The following ZNF263 variants were observed in gnomAD, a reference collection of about 807,000 sequenced individuals.
ZNF263 encodes zinc finger protein 263, also known as zinc finger protein FPM315.
ZNF263 carries 49 observed loss-of-function variants against 63.1 expected under a neutral mutation model. The observed-to-expected ratio is 0.78, with a 90% CI of 0.62 to 0.99. The LOEUF is 0.99. Among genes scored for constraint, ZNF263 ranks in the 50% least tolerant of loss-of-function variants. The pLI, the probability that ZNF263 is intolerant of heterozygous loss-of-function variation, is 0.00. For missense variants in ZNF263, 872 were observed against 854.8 expected, an observed-to-expected ratio of 1.02 and a Z score of -0.25; for synonymous variants, 352 against 324.2, an observed-to-expected ratio of 1.09 and a Z score of -0.92.
intron 1 of ZNF263, among the ~76,000 whole-genome samples, chr16:3,296,718 G>A (rs1959756061): frequency 6.6e-6 from 1 of 152,052 alleles, no homozygotes; most frequent in South Asian, 2.1e-4. Context: ...AATTTACAAG[G>A]TGAAAATATC....
chr16:3,299,875 A>G, intron 2 of ZNF263: 1 of 1,600,282 alleles, frequency 6.2e-7, no homozygotes, highest in East Asian at 2.2e-5. Context: ...TTTATATATC[A>G]CAGGCAATGT....
Position 3,283,629 on chromosome 16 carries a change from G to GGC in ZNF263, c.-187_-186dup, listed in dbSNP as rs1959231527. 2.3e-6 allele frequency: 2 copies of GGC among 851,628 alleles called. No individual in the cohort carries two copies. The highest frequency in any genetic ancestry group is 1.8e-5 in the African/African-American group (1 of 56,508). The allele number at this position is 851,628 out of a possible 1,614,324, so 52.8% of individuals were successfully genotyped here. ...AGATGGGCCACGGGGCCGGCGTGGCGGCGCCTGGGACCGACTGAGGCCTAG... is the reference window on the plus strand; with the variant it reads ...AGATGGGCCACGGGGCCGGCGTGGCGGCGCGCCTGGGACCGACTGAGGCCTAG... On this transcript the variant is annotated 5_prime_UTR_variant, in exon 1 of 6. The change abolishes the stop of an existing upstream ORF in the 5' untranslated region. Transcript: ENST00000219069.
At position 3,290,043 on chromosome 16, in the gene ZNF263, A is replaced by G. The variant is rs1959547907; in HGVS notation, c.1537A>G (p.Thr513Ala). The G allele has an allele frequency of 6.2e-7, 1 of 1,614,200 alleles. No homozygotes were observed. Among genetic ancestry groups the G allele is most frequent in the Non-Finnish European group, 8.5e-7 (1 of 1,180,038 alleles). The change falls in exon 6 of 6, where the codon ACT (threonine) becomes GCT (alanine). Residue 513 changes from threonine (T) to alanine (A), a missense_variant. Coordinates refer to ENST00000219069, the MANE Select transcript of ZNF263 (RefSeq NM_005741.5). ...CCTCCTTCGGCACCAGAGAATTCAC[A>G]CTGGAGAGCGACCTTATAAGTGTCC... Reference protein sequence around the residue: ...SNLLRHQRIHTGERPYKCPEC... With the variant: ...SNLLRHQRIHAGERPYKCPEC...
chr16:3,285,078 G>T lies in ZNF263; in HGVS notation c.407G>T (p.Gly136Val). 1 of 1,614,154 alleles carries T rather than the reference G, an allele frequency of 6.2e-7. No individual in the cohort carries two copies. Among genetic ancestry groups the T allele is most frequent in the Non-Finnish European group, 8.5e-7 (1 of 1,180,040 alleles). ...TCCCAGGTCACAAACCATGGGCGGG[G>T]AACAGAAGTGCTTTTGGAGGAGCCT... Reference protein sequence around the residue: ...LRQQVTNHGRGTEVLLEEPLP... With the variant: ...LRQQVTNHGRVTEVLLEEPLP... Residue 136 changes from glycine (G) to valine (V), a missense_variant, in exon 2 of 6, where the codon GGA (glycine) becomes GTA (valine). By Grantham distance (109) the Gly-to-Val change is moderately radical. Coordinates refer to ENST00000219069, the MANE Select transcript of ZNF263 (RefSeq NM_005741.5).
At chr16:3,295,631 A>G (rs1317986122), downstream of ZNF263, among the ~76,000 whole-genome samples, 2 of 152,262 alleles carry the variant, frequency 1.3e-5, no homozygotes, top group Non-Finnish European at 2.9e-5. Context: ...CTTTCTTTAA[A>G]CAGTGGGAGG....
chr16:3,300,250 C>G, intron 2 of ZNF263: 1 of 1,614,228 alleles, frequency 6.2e-7, no homozygotes, highest in Non-Finnish European at 8.5e-7. Context: ...CCAACCAGTG[C>G]TAGCTTTGAA....
chr16:3,299,251 C>G (rs771253215), intron 2 of ZNF263: 4 of 1,611,418 alleles, frequency 2.5e-6, no homozygotes, highest in Non-Finnish European at 3.4e-6. Flanking sequence ...TGTTATTCCA[C>G]CTTTGGTTTT....
At chr16:3,285,778 T>TC (rs767941280) in intron 3 of ZNF263, 24 bp downstream of exon 3, 1 of 1,612,522 alleles carries the variant, frequency 6.2e-7, no homozygotes, top group African/African-American at 1.3e-5. Context: ...TTCCATTGTC[T>TC]CCCCCCAGCA....
chr16:3,299,066 G>A, intron 1 of ZNF263: 1 of 1,410,572 alleles, frequency 7.1e-7, no homozygotes, highest in Non-Finnish European at 9.3e-7. Context: ...ATTTTACTCT[G>A]GAACTGTTTC....
intron 2 of ZNF263, chr16:3,300,064 C>T: frequency 6.2e-7 from 1 of 1,614,162 alleles, no homozygotes; most frequent in Non-Finnish European, 8.5e-7. Flanking sequence ...CATTGACTTC[C>T]AAAAGAGGTC....
In ZNF263 at chr16:3,290,230, T is replaced by C. The variant is rs1596373375; in HGVS notation, c.1724T>C (p.Phe575Ser). ...GCCCATAAGGCAGAGAAGAAGCTCT[T>C]TGAATGTTTGACTTGTGGGAAAAGC... ...HGAHKAEKKL[F>S]ECLTCGKSFR... is the part of the protein sequence containing the mutation. The change falls in exon 6 of 6, where the codon TTT becomes TCT. Residue 575 changes from phenylalanine (F) to serine (S), a missense_variant. By Grantham distance (155) the Phe-to-Ser change is radical (BLOSUM62 -2). Transcript: ENST00000219069. 1 of 1,614,152 alleles carries C rather than the reference T, an allele frequency of 6.2e-7. No individual in the cohort carries two copies. The highest frequency in any genetic ancestry group is 8.5e-7 in the Non-Finnish European group (1 of 1,180,026).
At chr16:3,294,266 A>G (rs1959689856), downstream of ZNF263, among the ~76,000 whole-genome samples, 1 of 152,206 alleles carries the variant, frequency 6.6e-6, no homozygotes, top group Non-Finnish European at 1.5e-5. Flanking sequence ...CATTACATTA[A>G]CTGATACTAC....
intron 4 of ZNF263, among the ~76,000 whole-genome samples, chr16:3,287,900 C>T (rs188862987): frequency 2.0e-4 from 30 of 150,962 alleles, no homozygotes; most frequent in Admixed American, 5.9e-4. Flanking sequence ...ATTTCAATTA[C>T]AGTAGTGTAC....
intron 1 of ZNF263, among the ~76,000 whole-genome samples, chr16:3,296,511 A>G (rs924168903): frequency 2.0e-5 from 3 of 152,140 alleles, no homozygotes; most frequent in Non-Finnish European, 4.4e-5. Flanking sequence ...GTCATTATGG[A>G]CTAATCTTAA....
intron 4 of ZNF263, among the ~76,000 whole-genome samples, chr16:3,287,123 T>TGCCTAAAAAGTATCACA (rs1250247850): frequency 1.3e-5 from 2 of 152,226 alleles, no homozygotes; most frequent in African/African-American, 4.8e-5. Flanking sequence ...ATATCAGGTT[T>TGCCTAAAAAGTATCACA]GCCTAAAAAG....
chr16:3,298,474 A>T (rs1309785258), intron 1 of ZNF263, among the ~76,000 whole-genome samples: 1 of 152,252 alleles, frequency 6.6e-6, no homozygotes, highest in African/African-American at 2.4e-5. Flanking sequence ...TGTTGAGGTT[A>T]TCATTAGTCA....
downstream of ZNF263, among the ~76,000 whole-genome samples, chr16:3,293,586 C>CT (rs1959672023): frequency 6.6e-6 from 1 of 152,232 alleles, no homozygotes; most frequent in Non-Finnish European, 1.5e-5. Flanking sequence ...CCTCTAGCCT[C>CT]TAAGTCCAAA....
At chr16:3,299,628 T>C in intron 2 of ZNF263, 1 of 1,564,496 alleles carries the variant, frequency 6.4e-7, no homozygotes. Flanking sequence ...CTTGATTCAT[T>C]GGTTGAATCA....
chr16:3,295,729 G>A (rs1378364121), downstream of ZNF263, among the ~76,000 whole-genome samples: 2 of 152,274 alleles, frequency 1.3e-5, no homozygotes, highest in African/African-American at 4.8e-5. Flanking sequence ...CAAGAATGGA[G>A]AGGGGACAGA....
Sources: gnomAD v4.1 joint callset for allele counts (sites outside exome capture counted in the v4.1 genomes callset) on GRCh38, gnomAD v4.1.1 for gene constraint, MANE v1.5 for transcripts, NCBI Gene and HGNC (gene_info 2026-07-23, HGNC 2026-07-21) for gene names.